The following ANO4 variants were observed in gnomAD, a reference collection of about 807,000 sequenced individuals.
ANO4 encodes anoctamin 4.
In ANO4, 69 loss-of-function variants were observed where a neutral mutation model predicts 141.9. The observed-to-expected ratio is 0.49, with a 90% CI of 0.40 to 0.59. ANO4 has a LOEUF of 0.59. Ranked by LOEUF, ANO4 falls within the 20% of genes least tolerant of loss-of-function variation. The pLI, the probability that ANO4 is intolerant of heterozygous loss-of-function variation, is 0.00. For missense variants in ANO4, 894 were observed against 1,162.2 expected, an observed-to-expected ratio of 0.77 and a Z score of 3.36; for synonymous variants, 350 against 394.3, an observed-to-expected ratio of 0.89 and a Z score of 1.33.
intron 5 of ANO4, among the ~76,000 whole-genome samples, chr12:100,965,939 A>G (rs1365691925): frequency 1.3e-5 from 2 of 152,058 alleles, no homozygotes; most frequent in East Asian, 1.9e-4. Context: ...TGGTATATCC[A>G]TCACCTGGAA....
At chr12:100,793,860 A>G (rs2034148724), upstream of ANO4, among the ~76,000 whole-genome samples, 1 of 152,224 alleles carries the variant, frequency 6.6e-6, no homozygotes, top group South Asian at 2.1e-4. Flanking sequence ...GAAGTAGGAA[A>G]AGTTTAGAGT....
chr12:100,733,835 T>C, exon 2 of ANO4: 3 of 702,180 alleles, frequency 4.3e-6, no homozygotes, highest in Non-Finnish European at 7.8e-6. Context: ...GCTACTACAG[T>C]TGTGTCAGCC....
chr12:100,818,258 T>C (rs2035843758), intron 1 of ANO4, among the ~76,000 whole-genome samples: 1 of 151,884 alleles, frequency 6.6e-6, no homozygotes, highest in African/African-American at 2.4e-5. Flanking sequence ...ACTATAGTTT[T>C]AAAAAAGTGA....
Position 101,127,041 on chromosome 12 carries a change from G to A in ANO4, c.2839G>A (p.Gly947Arg). The A allele has an allele frequency of 6.2e-7, 1 of 1,613,908 alleles. No homozygotes were observed. Among genetic ancestry groups the A allele is most frequent in the Non-Finnish European group, 8.5e-7 (1 of 1,179,894 alleles). ...GGAACGAAAGGAGAGGAAGAAGAAT[G>A]GAAAAGCACACCACAACGAGTGGCC... ...QKERKERKKN[G>R]KAHHNEWP Residue 947 changes from glycine (G) to arginine (R), a missense_variant, in exon 27 of 28, where the codon GGA becomes AGA. This residue lies in a region of ANO4 where 637 missense variants were observed against 909.2 expected (regional missense o/e 0.70). Transcript: ENST00000392977.
intron 14 of ANO4, among the ~76,000 whole-genome samples, chr12:101,071,598 AG>A (rs1162081200): frequency 2.0e-5 from 3 of 152,100 alleles, no homozygotes; most frequent in Non-Finnish European, 4.4e-5. Flanking sequence ...GAGTACAAAA[AG>A]AAATAGAATG....
At chr12:100,970,049 G>C (rs2043848450) in intron 5 of ANO4, among the ~76,000 whole-genome samples, 1 of 152,084 alleles carries the variant, frequency 6.6e-6, no homozygotes, top group African/African-American at 2.4e-5. Flanking sequence ...CCTATGTTCT[G>C]GGTTGATAAA....
chr12:101,113,437 G>A (rs192032779), intron 24 of ANO4, among the ~76,000 whole-genome samples: 70 of 152,034 alleles, frequency 4.6e-4, no homozygotes, highest in African/African-American at 1.6e-3. Flanking sequence ...AATTTTACTG[G>A]GCTCTTTGGA....
At chr12:101,004,267 G>T (rs1311684332) in intron 8 of ANO4, among the ~76,000 whole-genome samples, 1 of 152,040 alleles carries the variant, frequency 6.6e-6, no homozygotes, top group Admixed American at 6.6e-5. Context: ...AAGAGGTTGG[G>T]GTTATCGGAA....
At chr12:100,934,700 A>C (rs1344524003) in intron 3 of ANO4, among the ~76,000 whole-genome samples, 1 of 152,006 alleles carries the variant, frequency 6.6e-6, no homozygotes, top group Admixed American at 6.6e-5. Context: ...CATTTTCATG[A>C]TATTGACTCT....
chr12:100,851,157 A>G (rs1809845901), intron 1 of ANO4, among the ~76,000 whole-genome samples: 1 of 152,210 alleles, frequency 6.6e-6, no homozygotes, highest in Non-Finnish European at 1.5e-5. Flanking sequence ...TTCCAGAGTA[A>G]GACTCTAATT....
chr12:100,819,488 A>C (rs1213093031), intron 1 of ANO4, among the ~76,000 whole-genome samples: 3 of 152,018 alleles, frequency 2.0e-5, no homozygotes, highest in Non-Finnish European at 4.4e-5. Flanking sequence ...AAGATTCATC[A>C]GTGGTATAAA....
At chr12:100,872,257 A>G (rs564236267) in intron 1 of ANO4, among the ~76,000 whole-genome samples, 2 of 152,140 alleles carry the variant, frequency 1.3e-5, no homozygotes, top group African/African-American at 4.8e-5. Flanking sequence ...CTTTCCTAAG[A>G]TAGACATAAT....
intron 23 of ANO4, 130 bp from the exon 24 acceptor site, chr12:101,111,433 T>G (rs562534863): frequency 3.7e-6 from 3 of 803,088 alleles, no homozygotes; most frequent in African/African-American, 3.6e-5. Context: ...TCCTCCTGGT[T>G]GCAACTGTCA....
In ANO4 at chr12:100,734,888, A is replaced by G. The variant is rs562294962; in HGVS notation, c.106+1031A>G. On this transcript the variant is annotated intron_variant, in intron 2 of 29. Coordinates refer to the ANO4 transcript ENST00000644049. ...ATAGCCATTAAAATTGATTTTGCAG[A>G]TGAGATTTAAAATTCAGTAACCCAA... Among the ~76,000 whole-genome samples, 13 of 152,364 alleles carry G rather than the reference A, an allele frequency of 8.5e-5. No homozygotes were observed. The East Asian group carries it at 2.1e-3, about 25-fold the overall frequency.
intron 23 of ANO4, 43 bp downstream of exon 23, chr12:101,110,599 T>A (rs948633958): frequency 4.1e-6 from 6 of 1,446,962 alleles, no homozygotes; most frequent in Non-Finnish European, 5.5e-6. Context: ...ATATTAAACA[T>A]CTGGTGGATA....
At chr12:101,025,545 T>C (rs1291084004) in intron 9 of ANO4, among the ~76,000 whole-genome samples, 4 of 152,184 alleles carry the variant, frequency 2.6e-5, no homozygotes, top group Non-Finnish European at 1.5e-5. Flanking sequence ...TGCTGATCAG[T>C]GCATACATGT....
chr12:101,111,829 G>A, intron 24 of ANO4, 119 bp downstream of exon 24: 1 of 785,436 alleles, frequency 1.3e-6, no homozygotes, highest in East Asian at 3.1e-5. Flanking sequence ...GGAGAGGCCT[G>A]TGATAGGGGA....
intron 1 of ANO4, among the ~76,000 whole-genome samples, chr12:100,875,719 G>A (rs923487886): frequency 2.6e-5 from 4 of 152,200 alleles, no homozygotes; most frequent in African/African-American, 9.7e-5. Flanking sequence ...AATAGGATTT[G>A]CTGATGGACT....
intron 1 of ANO4, among the ~76,000 whole-genome samples, chr12:100,886,181 C>G (rs570236225): frequency 1.3e-5 from 2 of 152,260 alleles, no homozygotes; most frequent in African/African-American, 4.8e-5. Context: ...TGAAGTAGAA[C>G]AGTATTCTTA....
Sources: gnomAD v4.1 joint callset for allele counts (sites outside exome capture counted in the v4.1 genomes callset) on GRCh38, gnomAD v4.1.1 for gene constraint, gnomAD v4.1.1 regional missense constraint, MANE v1.5 for transcripts, NCBI Gene and HGNC (gene_info 2026-07-23, HGNC 2026-07-21) for gene names.